AGBL4: variants seen among roughly 807,000 people sequenced by gnomAD.
AGBL4 encodes cytosolic carboxypeptidase 6.
In AGBL4, 58 loss-of-function variants were observed where a neutral mutation model predicts 66.4. That is an observed-to-expected ratio of 0.87 (90% CI 0.71 to 1.09). The LOEUF is 1.09. AGBL4 is among the 50% of genes least tolerant of loss of function. The pLI, the probability that AGBL4 is intolerant of heterozygous loss-of-function variation, is 0.00. For missense variants in AGBL4, 579 were observed against 631.0 expected (o/e 0.92, Z 0.88); for synonymous variants, 234 against 222.9 (o/e 1.05, Z -0.44).
chr1:48,861,227 T>C (rs931401479), intron 6 of AGBL4, among the ~76,000 whole-genome samples: 2 of 152,092 alleles, frequency 1.3e-5, no homozygotes, highest in African/African-American at 2.4e-5. Flanking sequence ...ACAAAAATAA[T>C]AAAAGTTATG....
chr1:49,919,471 A>G (rs368619567), intron 1 of AGBL4, among the ~76,000 whole-genome samples: 25 of 152,256 alleles, frequency 1.6e-4, no homozygotes, highest in African/African-American at 5.1e-4. Context: ...CAAATCATGA[A>G]TGAACTCCCA....
intron 4 of AGBL4, among the ~76,000 whole-genome samples, chr1:49,112,162 C>T (rs1645425243): frequency 2.0e-5 from 3 of 152,188 alleles, no homozygotes; most frequent in Non-Finnish European, 2.9e-5. Context: ...TTAAGGCATA[C>T]TTGGAATTCC....
At chr1:49,061,036 G>A (rs1644393037) in intron 4 of AGBL4, among the ~76,000 whole-genome samples, 1 of 152,178 alleles carries the variant, frequency 6.6e-6, no homozygotes, top group Non-Finnish European at 1.5e-5. Context: ...TGAGGTTGGA[G>A]CCAAGACTGA....
intron 3 of AGBL4, among the ~76,000 whole-genome samples, chr1:49,349,079 C>T (rs904123571): frequency 6.6e-6 from 1 of 152,190 alleles, no homozygotes; most frequent in African/African-American, 2.4e-5. Context: ...TTTCACATGG[C>T]ATCCTCTGAG....
chr1:48,935,545 A>AT (rs1273036502), intron 5 of AGBL4, among the ~76,000 whole-genome samples: 1 of 152,072 alleles, frequency 6.6e-6, no homozygotes, highest in Non-Finnish European at 1.5e-5. Context: ...CTAAGTGGTA[A>AT]TTTACCTGAC....
At chr1:49,382,172 C>G (rs1256613301) in intron 3 of AGBL4, among the ~76,000 whole-genome samples, 1 of 152,034 alleles carries the variant, frequency 6.6e-6, no homozygotes, top group East Asian at 1.9e-4. Context: ...TCCTGACATA[C>G]TTGGCATTGT....
intron 5 of AGBL4, among the ~76,000 whole-genome samples, chr1:48,907,982 G>C (rs907286126): frequency 6.6e-6 from 1 of 152,064 alleles, no homozygotes; most frequent in Non-Finnish European, 1.5e-5. Flanking sequence ...TGTGTGTGTA[G>C]TGGTATCTTG....
intron 3 of AGBL4, among the ~76,000 whole-genome samples, chr1:49,425,550 C>G (rs752690053): frequency 6.6e-6 from 1 of 152,142 alleles, no homozygotes; most frequent in African/African-American, 2.4e-5. Context: ...TACTAGCTTT[C>G]GGACCTAAGT....
chr1:49,717,324 C>T (rs527445584), intron 2 of AGBL4, among the ~76,000 whole-genome samples: 1 of 152,014 alleles, frequency 6.6e-6, no homozygotes, highest in Non-Finnish European at 1.5e-5. Flanking sequence ...CAAGCTACCA[C>T]TGACTTTTTA....
intron 5 of AGBL4, among the ~76,000 whole-genome samples, chr1:48,975,310 TG>T (rs889192477): frequency 6.6e-6 from 1 of 152,172 alleles, no homozygotes; most frequent in Non-Finnish European, 1.5e-5. Context: ...TACCAGTTTT[TG>T]GTGGAGCCCA....
intron 3 of AGBL4, among the ~76,000 whole-genome samples, chr1:49,260,960 A>G (rs925836900): frequency 1.3e-5 from 2 of 149,604 alleles, no homozygotes; most frequent in South Asian, 4.4e-4. Context: ...CTTATCCACC[A>G]TGATCAAGTG....
At chr1:49,071,673 C>A (rs12095302) in intron 4 of AGBL4, among the ~76,000 whole-genome samples, 2,060 of 151,918 alleles carry the variant, frequency 0.014, 88 homozygotes, top group African/African-American at 0.047. Flanking sequence ...ATCATGTGGT[C>A]AATTTTAGAA....
rs114846741 is a variant in AGBL4, at chr1:48,848,667, C to T, written c.634+18524G>A. 1.2e-3 allele frequency among the ~76,000 whole-genome samples: 185 copies of T among 152,176 alleles called. 1 individual carries two copies. The highest frequency in any genetic ancestry group is 4.2e-3 in the African/African-American group (174 of 41,520). ...ATCCAATTTTCTCATTTTGCTAACT[C>T]GAGATTGGGAATTCTGAATAGTTTT... is the stretch of plus-strand genomic sequence containing the variant. On this transcript the variant is annotated intron_variant, in intron 6 of 13. Coordinates refer to ENST00000371839, the MANE Select transcript of AGBL4 (RefSeq NM_032785.4).
rs149218174 is a variant in AGBL4, at chr1:49,233,922, G to A, written c.377+11848C>T. On this transcript the variant is annotated intron_variant, in intron 4 of 13. Coordinates refer to ENST00000371839, the MANE Select transcript of AGBL4 (RefSeq NM_032785.4). ...AACTACAGGTTAGCCAATGAAATTT[G>A]ACTGAAAGTGATATACGCCACTTTC... is the stretch of plus-strand genomic sequence containing the variant. Among the ~76,000 whole-genome samples, 924 of 152,258 alleles carry A rather than the reference G, an allele frequency of 6.1e-3. 14 individuals are homozygous for A. The highest frequency in any genetic ancestry group is 0.021 in the African/African-American group (868 of 41,532).
chr1:48,970,930 G>A (rs1474898779), intron 5 of AGBL4, among the ~76,000 whole-genome samples: 1 of 152,098 alleles, frequency 6.6e-6, no homozygotes, highest in African/African-American at 2.4e-5. Flanking sequence ...CCTGTACTGA[G>A]CACCTACTAT....
chr1:49,192,504 G>A (rs1647140814), intron 4 of AGBL4, among the ~76,000 whole-genome samples: 1 of 152,112 alleles, frequency 6.6e-6, no homozygotes, highest in Non-Finnish European at 1.5e-5. Flanking sequence ...TCACCATATT[G>A]GCCAGGCTGG....
At position 50,023,818 on chromosome 1, in the gene AGBL4, G is replaced by A. The variant is rs1464110213; in HGVS notation, c.-22C>T. 6 of 1,547,992 alleles carry A rather than the reference G, an allele frequency of 3.9e-6. No homozygotes were observed. Among genetic ancestry groups the A allele is most frequent in the African/African-American group, 2.7e-5 (2 of 72,834 alleles). ...CCATTTTTGTTGTCCCTCAGTCTCCGAGCTCACGCGAAGACCGCGGGGCAG... is the reference window on the plus strand; with the variant it reads ...CCATTTTTGTTGTCCCTCAGTCTCCAAGCTCACGCGAAGACCGCGGGGCAG... On this transcript the variant is annotated 5_prime_UTR_variant, in exon 1 of 14. Coordinates refer to ENST00000371839, the MANE Select transcript of AGBL4 (RefSeq NM_032785.4).
chr1:49,880,603 C>T (rs1378576755), intron 1 of AGBL4, among the ~76,000 whole-genome samples: 1 of 152,062 alleles, frequency 6.6e-6, no homozygotes, highest in African/African-American at 2.4e-5. Context: ...GAGGTTACTG[C>T]TGTCTTTTTG....
chr1:49,641,471 C>A (rs948393428), intron 3 of AGBL4, among the ~76,000 whole-genome samples: 1 of 152,060 alleles, frequency 6.6e-6, no homozygotes, highest in Non-Finnish European at 1.5e-5. Flanking sequence ...CATGAGACTG[C>A]AACATTTCGT....
Sources: allele counts gnomAD v4.1 joint callset (sites outside exome capture counted in the v4.1 genomes callset), GRCh38; gene constraint gnomAD v4.1.1; transcripts MANE v1.5; gene names NCBI Gene and HGNC (gene_info 2026-07-23, HGNC 2026-07-21).